ERC1: variants seen among roughly 807,000 people sequenced by gnomAD.
The protein encoded by ERC1 is RAB6 interacting protein 2.
In ERC1, 56 loss-of-function variants were observed where a neutral mutation model predicts 132.0. That is an observed-to-expected ratio of 0.42 (90% CI 0.34 to 0.53). The LOEUF (loss-of-function observed/expected upper bound fraction) is 0.53. ERC1 is among the 20% of genes least tolerant of loss of function. The pLI, the probability that ERC1 is intolerant of heterozygous loss-of-function variation, is 0.03. For missense variants in ERC1, 1,202 were observed against 1,349.9 expected (o/e 0.89, Z 1.72); for synonymous variants, 478 against 476.1 (o/e 1.00, Z -0.05).
intron 2 of ERC1, among the ~76,000 whole-genome samples, chr12:1,037,476 A>C (rs1969306618): frequency 6.6e-6 from 1 of 152,180 alleles, no homozygotes; most frequent in African/African-American, 2.4e-5. Flanking sequence ...ACCCTCTGGA[A>C]CTTGCCATCT....
intron 16 of ERC1, among the ~76,000 whole-genome samples, chr12:1,394,193 G>C (rs943239009): frequency 2.6e-5 from 4 of 151,526 alleles, no homozygotes; most frequent in South Asian, 2.1e-4. Flanking sequence ...GAGGTCAGGA[G>C]ATCGAGACCA....
chr12:1,301,931 G>C (rs2080435215), intron 15 of ERC1, among the ~76,000 whole-genome samples: 3 of 152,134 alleles, frequency 2.0e-5, no homozygotes, highest in Non-Finnish European at 4.4e-5. Flanking sequence ...GTTTAAGCAA[G>C]ATGTAATACC....
chr12:1,201,130 T>A (rs1289590135), intron 12 of ERC1, among the ~76,000 whole-genome samples: 1 of 152,208 alleles, frequency 6.6e-6, no homozygotes, highest in Non-Finnish European at 1.5e-5. Context: ...ATTTGTAGAT[T>A]AAACAAAAGT....
chr12:1,079,077 T>C (rs1028356340), intron 2 of ERC1, among the ~76,000 whole-genome samples: 2 of 150,324 alleles, frequency 1.3e-5, no homozygotes, highest in African/African-American at 2.5e-5. Flanking sequence ...GAGATACATA[T>C]AGAAATGATT....
In ERC1 at chr12:1,028,586, G is replaced by T. The variant is rs757704162; in HGVS notation, c.669+14G>T. On this transcript the variant is annotated intron_variant, in intron 2 of 18. Transcript: ENST00000360905. ...GAGGAAAACCAGGTAAGTTCTACGTGTGTTTACCTTTATTGGCTGAATTCA... is the reference window on the plus strand; with the variant it reads ...GAGGAAAACCAGGTAAGTTCTACGTTTGTTTACCTTTATTGGCTGAATTCA... 45 of 1,581,780 alleles carry T rather than the reference G, an allele frequency of 2.8e-5. No homozygotes were observed. In the South Asian group the frequency reaches 4.3e-4, roughly 15 times the overall value.
intron 14 of ERC1, among the ~76,000 whole-genome samples, chr12:1,284,264 T>TTGTGTGTG (rs1566481660): frequency 1.1e-5 from 1 of 92,208 alleles, no homozygotes; most frequent in Non-Finnish European, 2.3e-5. Flanking sequence ...TGAATAGTAT[T>TTGTGTGTG]CGTGTGTGTG....
intron 15 of ERC1, among the ~76,000 whole-genome samples, chr12:1,333,181 T>C (rs2083015050): frequency 6.6e-6 from 1 of 152,000 alleles, no homozygotes; most frequent in Non-Finnish European, 1.5e-5. Context: ...TAGCTACCAC[T>C]TACAAGTGCG....
At chr12:1,112,839 G>C (rs752216462) in intron 6 of ERC1, among the ~76,000 whole-genome samples, 1 of 152,034 alleles carries the variant, frequency 6.6e-6, no homozygotes, top group Non-Finnish European at 1.5e-5. Context: ...ACTTATTTCA[G>C]GTATCTAAAT....
chr12:1,159,597 T>TA (rs1951704751), intron 8 of ERC1, among the ~76,000 whole-genome samples: 1 of 152,234 alleles, frequency 6.6e-6, no homozygotes, highest in African/African-American at 2.4e-5. Context: ...GCATGATATT[T>TA]AGATATTTGG....
At chr12:1,143,871 A>C (rs1320871604) in intron 8 of ERC1, among the ~76,000 whole-genome samples, 1 of 151,814 alleles carries the variant, frequency 6.6e-6, no homozygotes, top group Non-Finnish European at 1.5e-5. Flanking sequence ...ACATCTTCTA[A>C]CTGCTTGTTT....
rs1450997181 is a variant in ERC1 at position 1,263,046 on chromosome 12, A to G, written c.2500A>G (p.Lys834Glu). 6.2e-7 allele frequency: 1 copy of G among 1,614,024 alleles called. No individual in the cohort carries two copies. Among genetic ancestry groups the G allele is most frequent in the Non-Finnish European group, 8.5e-7 (1 of 1,179,942 alleles). Residue 834 changes from lysine (K) to glutamate (E), a missense_variant, in exon 14 of 19, where the codon AAG becomes GAG. Transcript: ENST00000360905. Reference protein sequence around the residue: ...SSQQLQDSLRKKDDRIEELEE... With the variant: ...SSQQLQDSLREKDDRIEELEE... ...CATCATTTTCTAGGACAGTCTCCGT[A>G]AGAAGGATGACAGGATTGAAGAGCT...
intron 18 of ERC1, among the ~76,000 whole-genome samples, chr12:1,482,185 C>T (rs1040970335): frequency 8.5e-5 from 13 of 152,142 alleles, no homozygotes; most frequent in East Asian, 1.9e-4. Flanking sequence ...CATCAAGATC[C>T]GGCGATTCCT....
chr12:1,250,133 A>G (rs79006277), intron 13 of ERC1, among the ~76,000 whole-genome samples: 2 of 152,044 alleles, frequency 1.3e-5, no homozygotes, highest in Non-Finnish European at 2.9e-5. Flanking sequence ...TTGAGGTCAG[A>G]TGCTTGGCTT....
At chr12:1,276,175 C>A (rs1280388689) in intron 14 of ERC1, among the ~76,000 whole-genome samples, 1 of 152,076 alleles carries the variant, frequency 6.6e-6, no homozygotes, top group Admixed American at 6.5e-5. Flanking sequence ...TTCCATAAAA[C>A]CTTTTCTGAC....
chr12:1,307,287 G>A (rs1425956346), intron 15 of ERC1, among the ~76,000 whole-genome samples: 1 of 152,124 alleles, frequency 6.6e-6, no homozygotes, highest in Non-Finnish European at 1.5e-5. Context: ...GGGTTGACTT[G>A]GCATGAATTT....
intron 7 of ERC1, among the ~76,000 whole-genome samples, chr12:1,131,827 A>T (rs1487379749): frequency 6.6e-6 from 1 of 152,180 alleles, no homozygotes; most frequent in Non-Finnish European, 1.5e-5. Context: ...TTTTCTGTTC[A>T]CTTCCATTGG....
chr12:1,402,614 A>AACACACACACACACACACAC lies in ERC1; in HGVS notation c.2926-5523_2926-5504dup, dbSNP rs56777839. ...GAAAAAGAATATCTGTGTAACCCCC[A>AACACACACACACACACACAC]ACACACACACACACACACACACACA... On this transcript the variant is annotated intron_variant, in intron 16 of 18. Coordinates refer to ENST00000360905, the MANE Select transcript of ERC1 (RefSeq NM_178040.4). 8.8e-3 allele frequency among the ~76,000 whole-genome samples: 1,278 copies of AACACACACACACACACACAC among 144,910 alleles called. 6 individuals are homozygous for AACACACACACACACACACAC. Among genetic ancestry groups the AACACACACACACACACACAC allele is most frequent in the Middle Eastern group, 0.042 (12 of 288 alleles).
At chr12:1,300,072 A>G (rs1340905938) in intron 15 of ERC1, among the ~76,000 whole-genome samples, 2 of 152,204 alleles carry the variant, frequency 1.3e-5, no homozygotes, top group South Asian at 2.1e-4. Context: ...ACTATACTAC[A>G]GGACTACAGT....
chr12:1,302,396 G>A (rs2080470150), intron 15 of ERC1, among the ~76,000 whole-genome samples: 1 of 152,130 alleles, frequency 6.6e-6, no homozygotes, highest in Non-Finnish European at 1.5e-5. Context: ...CATACCTAAT[G>A]ATGTAAGCTG....
Sources: gnomAD v4.1 joint callset for allele counts (sites outside exome capture counted in the v4.1 genomes callset) on GRCh38, gnomAD v4.1.1 for gene constraint, MANE v1.5 for transcripts, NCBI Gene and HGNC (gene_info 2026-07-23, HGNC 2026-07-21) for gene names.